Variants in LIMCH1 observed in about 807,000 individuals in gnomAD.
LIMCH1 encodes LIM and calponin homology domains-containing protein 1.
A neutral mutation model predicts 176.5 loss-of-function variants in LIMCH1; 113 were observed. The ratio of observed to expected loss-of-function variants is 0.64; its 90% CI spans 0.55 to 0.75. The LOEUF (loss-of-function observed/expected upper bound fraction) is 0.75. LIMCH1 is among the 30% of genes least tolerant of loss of function. The pLI is 0.00. For missense variants in LIMCH1, 1,674 were observed against 1,814.9 expected (o/e 0.92, Z 1.41); for synonymous variants, 619 against 645.9 (o/e 0.96, Z 0.63).
chr4:41,651,629 A>C (rs2094300751), intron 18 of LIMCH1, among the ~76,000 whole-genome samples: 1 of 152,172 alleles, frequency 6.6e-6, no homozygotes, highest in Non-Finnish European at 1.5e-5. Context: ...TAGACTTGTT[A>C]ATGCCATTTG....
At chr4:41,371,452 G>A (rs1303170516) in intron 1 of LIMCH1, among the ~76,000 whole-genome samples, 1 of 152,116 alleles carries the variant, frequency 6.6e-6, no homozygotes, top group African/African-American at 2.4e-5. Flanking sequence ...TATTTCCCCA[G>A]TCTTTTTCTC....
chr4:41,497,974 T>C (rs546907141), intron 2 of LIMCH1, among the ~76,000 whole-genome samples: 1 of 152,204 alleles, frequency 6.6e-6, no homozygotes, highest in Admixed American at 6.5e-5. Flanking sequence ...AAGGTGGCAG[T>C]GCAGAGGGTG....
intron 2 of LIMCH1, among the ~76,000 whole-genome samples, chr4:41,521,035 A>G (rs2076069737): frequency 6.6e-6 from 1 of 152,112 alleles, no homozygotes; most frequent in Non-Finnish European, 1.5e-5. Context: ...CTTGGATCCT[A>G]TGTGTCTTAT....
chr4:41,676,992 G>A (rs187348957), intron 23 of LIMCH1, among the ~76,000 whole-genome samples: 181 of 151,544 alleles, frequency 1.2e-3, no homozygotes, highest in African/African-American at 4.0e-3. Context: ...ACGAAACCCC[G>A]TCTCTACCAA....
chr4:41,651,967 T>C (rs966117291), intron 18 of LIMCH1, among the ~76,000 whole-genome samples: 1 of 152,196 alleles, frequency 6.6e-6, no homozygotes, highest in Non-Finnish European at 1.5e-5. Context: ...CAGCCCTGCT[T>C]TCGGGGTACG....
At position 41,593,151 on chromosome 4, in the gene LIMCH1, G is replaced by A. The variant is rs945750888; in HGVS notation, c.-240-5769G>A. ...TCTTTAGAGTAAGAGGCCCTGGGAA[G>A]GTAGCAAGCTCAGGTCTTACCCATA... On this transcript the variant is annotated intron_variant, in intron 1 of 31. Coordinates refer to ENST00000503057, the MANE Select transcript of LIMCH1 (RefSeq NM_001330672.2). Among the ~76,000 whole-genome samples the A allele has an allele frequency of 4.6e-5, 7 of 152,226 alleles. No individual in the cohort carries two copies. In the East Asian group the frequency reaches 1.3e-3, roughly 29 times the overall value.
chr4:41,553,888 G>A (rs1349207632), intron 1 of LIMCH1, among the ~76,000 whole-genome samples: 1 of 152,116 alleles, frequency 6.6e-6, no homozygotes, highest in Non-Finnish European at 1.5e-5. Flanking sequence ...TTATCTCAAT[G>A]TATAGTGACG....
intron 1 of LIMCH1, among the ~76,000 whole-genome samples, chr4:41,492,942 A>T (rs2071359203): frequency 6.6e-6 from 1 of 152,064 alleles, no homozygotes. Flanking sequence ...CCTGGAAAAA[A>T]ATTATTTCCT....
chr4:41,613,100 T>C (rs2091648924), intron 4 of LIMCH1: 1 of 1,552,108 alleles, frequency 6.4e-7, no homozygotes, highest in Non-Finnish European at 8.7e-7. Context: ...CAAGTCAAGG[T>C]TAAGGTTTTG....
intron 2 of LIMCH1, among the ~76,000 whole-genome samples, chr4:41,509,542 G>A (rs528151902): frequency 2.6e-5 from 4 of 152,288 alleles, no homozygotes; most frequent in Admixed American, 2.0e-4. Flanking sequence ...GTCTCCAGCT[G>A]TTTGGCACCA....
At chr4:41,500,833 G>A (rs1034346929) in intron 2 of LIMCH1, among the ~76,000 whole-genome samples, 7 of 152,216 alleles carry the variant, frequency 4.6e-5, no homozygotes, top group Admixed American at 4.6e-4. Flanking sequence ...CAATACAAGT[G>A]AGGGCATGAG....
rs896349449 is a variant in LIMCH1, at chr4:41,544,652, T to C, written c.-241+6302T>C. ...CAAGCAAGGCTGGGTGGTTCTTCTA[T>C]TTTGATCTCTTCTCATGTGTCTCTG... is the stretch of plus-strand genomic sequence containing the variant. On this transcript the variant is annotated intron_variant, in intron 1 of 31. Coordinates refer to ENST00000503057, the MANE Select transcript of LIMCH1 (RefSeq NM_001330672.2). Among the ~76,000 whole-genome samples, 5 of 152,190 alleles carry C rather than the reference T, an allele frequency of 3.3e-5. No homozygotes were observed. In the South Asian group the frequency reaches 8.3e-4, roughly 25 times the overall value.
At position 41,551,476 on chromosome 4, in the gene LIMCH1, A is replaced by G. The variant is rs1389108878; in HGVS notation, c.-241+13126A>G. ...CAAATTCAAATGGTCAATACTGGGC[A>G]TCTTCCAGGGGTAGGCTGTATTGCT... is the stretch of plus-strand genomic sequence containing the variant. On this transcript the variant is annotated intron_variant, in intron 1 of 31. Transcript: ENST00000503057. The G allele has an allele frequency of 6.6e-5, 10 of 152,136 alleles. No homozygotes were observed. The South Asian group carries it at 2.1e-3, about 32-fold the overall frequency. 9.4% of individuals were successfully genotyped at this position (152,136 alleles called of 1,614,324 possible).
In LIMCH1 at chr4:41,594,031, C is replaced by A. The variant is rs756192588; in HGVS notation, c.-240-4889C>A. ...ATGTTACTGACATTATGATAATTCA[C>A]CCCTAAATAATTCATGTGGATGCTT... On this transcript the variant is annotated intron_variant, in intron 1 of 31. Transcript: ENST00000503057. Among the ~76,000 whole-genome samples, 6 of 152,152 alleles carry A rather than the reference C, an allele frequency of 3.9e-5. No homozygotes were observed. In the South Asian group the frequency reaches 1.2e-3, roughly 32 times the overall value.
At chr4:41,694,909 A>G (rs1047195679) in intron 31 of LIMCH1, among the ~76,000 whole-genome samples, 2 of 152,092 alleles carry the variant, frequency 1.3e-5, no homozygotes, top group African/African-American at 4.8e-5. Flanking sequence ...TCTGGATATC[A>G]TCAAACATTA....
chr4:41,693,462 A>C (rs1727932936), intron 31 of LIMCH1: 1 of 151,946 alleles, frequency 6.6e-6, no homozygotes, highest in South Asian at 2.1e-4. Context: ...TAAATATTTG[A>C]CTTGAGATCA....
intron 4 of LIMCH1, among the ~76,000 whole-genome samples, chr4:41,607,370 C>T (rs73135470): frequency 1.3e-5 from 2 of 152,232 alleles, no homozygotes; most frequent in Non-Finnish European, 2.9e-5. Flanking sequence ...TCATATTGGT[C>T]ATAACGCACA....
chr4:41,650,670 T>C, intron 18 of LIMCH1, 62 bp downstream of exon 18: 1 of 1,396,730 alleles, frequency 7.2e-7, no homozygotes, highest in Non-Finnish European at 9.8e-7. Flanking sequence ...GAATCTGTTT[T>C]TAAAAATAAG....
chr4:41,411,385 G>T (rs1287436379), intron 1 of LIMCH1, among the ~76,000 whole-genome samples: 2 of 152,012 alleles, frequency 1.3e-5, no homozygotes, highest in Non-Finnish European at 2.9e-5. Context: ...TTTTGTTTGT[G>T]TTTTTTGAGA....
Sources: gnomAD v4.1 joint callset for allele counts (sites outside exome capture counted in the v4.1 genomes callset) on GRCh38, gnomAD v4.1.1 for gene constraint, MANE v1.5 for transcripts, NCBI Gene and HGNC (gene_info 2026-07-23, HGNC 2026-07-21) for gene names.